SPG21: variants seen among roughly 807,000 people sequenced by gnomAD.
The protein encoded by SPG21 is SPG21 abhydrolase domain containing, maspardin, also known as maspardin.
A neutral mutation model predicts 38.9 loss-of-function variants in SPG21; 26 were observed. That is an observed-to-expected ratio of 0.67 (90% CI 0.49 to 0.93). The LOEUF (loss-of-function observed/expected upper bound fraction) is 0.93. SPG21 is among the 40% of genes least tolerant of loss of function. The pLI is 0.00. For missense variants in SPG21, 333 were observed against 376.5 expected (o/e 0.88, Z 0.96); for synonymous variants, 136 against 128.9 (o/e 1.05, Z -0.37).
At chr15:64,975,302 A>G (rs1477620101) in intron 4 of SPG21, among the ~76,000 whole-genome samples, 7 of 150,554 alleles carry the variant, frequency 4.6e-5, no homozygotes, top group African/African-American at 1.7e-4. Context: ...AAAAAAAAAA[A>G]AAGAAAAGAA....
Position 64,963,675 on chromosome 15 carries a change from G to A in SPG21, c.872C>T (p.Ala291Val), listed in dbSNP as rs1285602221. 2 of 1,614,010 alleles carry A rather than the reference G, an allele frequency of 1.2e-6. No homozygotes were observed. The highest frequency in any genetic ancestry group is 1.7e-6 in the Non-Finnish European group (2 of 1,180,038). Residue 291 changes from alanine to valine, a missense_variant, in exon 9 of 9, where the codon GCC (alanine) becomes GTC (valine). Ala to Val is a moderately conservative substitution (Grantham distance 64). Coordinates refer to ENST00000204566, the MANE Select transcript of SPG21 (RefSeq NM_016630.7). ...GCCTTTCTGCACCTCAAGCTCCTCG[G>A]CACTGACCATTGATGGGTCAATGGC... ...YAAIDPSMVS[A>V]EELEVQKGSL...
intron 1 of SPG21, chr15:64,989,278 GAAAAA>G (rs925663884): frequency 6.7e-6 from 1 of 148,384 alleles, no homozygotes; most frequent in East Asian, 2.0e-4. Context: ...AGTTTGCTGA[GAAAAA>G]AAAAAAGAAA....
At chr15:64,969,164 T>C (rs61512879) in intron 7 of SPG21, 91 bp downstream of exon 7, 853,958 of 899,044 alleles carry the variant, frequency 0.95, 407,444 homozygotes, top group East Asian at 1. Flanking sequence ...TTTGAAGAGG[T>C]ACATTGAAAG....
At chr15:64,966,447 G>C (rs1337906679) in intron 7 of SPG21, among the ~76,000 whole-genome samples, 1 of 152,188 alleles carries the variant, frequency 6.6e-6, no homozygotes, top group Non-Finnish European at 1.5e-5. Flanking sequence ...GCACAGCTTT[G>C]AAAGAAGGGC....
intron 2 of SPG21, chr15:64,981,288 CCTTT>C (rs2085881184): frequency 5.6e-6 from 2 of 359,932 alleles, no homozygotes. Context: ...TCCCCCTCCT[CCTTT>C]TTTTTTTTTT....
At chr15:64,988,520 G>T (rs1295512823) in intron 1 of SPG21, 1 of 152,214 alleles carries the variant, frequency 6.6e-6, no homozygotes, top group Non-Finnish European at 1.5e-5. Flanking sequence ...CACCACAGAA[G>T]TACACAGCTA....
rs181958715 is a variant in SPG21, at chr15:64,971,868, T to C, written c.453-1646A>G. ...TTTTTTTTCTGTAGAGACAGGATCT[T>C]GCTCTGTTGCCCAGGCTGGTCTAGA... is the stretch of plus-strand genomic sequence containing the variant. On this transcript the variant is annotated intron_variant, in intron 5 of 8. Transcript: ENST00000204566. Among the ~76,000 whole-genome samples, 836 of 152,194 alleles carry C rather than the reference T, an allele frequency of 5.5e-3. 8 individuals carry two copies. The highest frequency in any genetic ancestry group is 8.4e-3 in the Admixed American group (129 of 15,302).
intron 7 of SPG21, among the ~76,000 whole-genome samples, chr15:64,966,809 G>C (rs954673024): frequency 1.3e-5 from 2 of 152,160 alleles, no homozygotes; most frequent in African/African-American, 4.8e-5. Flanking sequence ...TGAGGCAGGA[G>C]AATGGCGTCA....
At chr15:64,981,079 T>A in intron 2 of SPG21, 54 bp from the exon 3 acceptor site, 1 of 1,608,642 alleles carries the variant, frequency 6.2e-7, no homozygotes, top group Non-Finnish European at 8.5e-7. Context: ...TTGCTTTTTA[T>A]GTTATTTTAC....
intron 5 of SPG21, among the ~76,000 whole-genome samples, 172 bp from the exon 6 acceptor site, chr15:64,970,394 A>G (rs2085638344): frequency 1.3e-5 from 2 of 152,344 alleles, no homozygotes; most frequent in South Asian, 4.1e-4. Flanking sequence ...GCTTCCAAAG[A>G]GTTATGGCTT....
rs375836282 is a variant in SPG21 at position 64,981,012 on chromosome 15, T to G, written c.77A>C (p.Asp26Ala). ...TVPLKKIIVD[D>A]DDSKIWSLYD... ...GAGCGACCATATCTTACTGTCATCATCATCCACAATAATCTGGAGGGAAGG... is the reference window on the plus strand; with the variant it reads ...GAGCGACCATATCTTACTGTCATCAGCATCCACAATAATCTGGAGGGAAGG... The change falls in exon 3 of 9, where the codon GAT (aspartate) becomes GCT (alanine). Residue 26 changes from aspartate to alanine, a missense_variant. By Grantham distance (126) the Asp-to-Ala change is moderately radical. Transcript: ENST00000204566. 4 of 1,614,170 alleles carry G rather than the reference T, an allele frequency of 2.5e-6. No homozygotes were observed. The highest frequency in any genetic ancestry group is 2.5e-6 in the Non-Finnish European group (3 of 1,180,016).
chr15:64,978,130 C>G (rs2085819908), intron 3 of SPG21, among the ~76,000 whole-genome samples: 1 of 151,048 alleles, frequency 6.6e-6, no homozygotes, highest in African/African-American at 2.4e-5. Flanking sequence ...CGCGCCTGGC[C>G]AAGAATTCCT....
rs980812941 is a variant in SPG21, at chr15:64,974,327, G to C, written c.452+275C>G. On this transcript the variant is annotated intron_variant, in intron 5 of 8. Coordinates refer to ENST00000204566, the MANE Select transcript of SPG21 (RefSeq NM_016630.7). ...TACAAAAATATACAGAAATTAACCA[G>C]GTGTGGTGCCATGCATGCCTGCCTG... is the stretch of plus-strand genomic sequence containing the variant. 4.6e-5 allele frequency among the ~76,000 whole-genome samples: 7 copies of C among 152,198 alleles called. No individual in the cohort carries two copies. The East Asian group carries it at 1.2e-3, about 25-fold the overall frequency.
At chr15:64,970,864 C>T (rs547470943) in intron 5 of SPG21, among the ~76,000 whole-genome samples, 93 of 152,152 alleles carry the variant, frequency 6.1e-4, no homozygotes, top group African/African-American at 2.2e-3. Flanking sequence ...CTCAGCCTTT[C>T]GAGTAGCTGC....
intron 1 of SPG21, among the ~76,000 whole-genome samples, chr15:64,988,168 G>T (rs1303548773): frequency 6.6e-6 from 1 of 152,122 alleles, no homozygotes; most frequent in Non-Finnish European, 1.5e-5. Context: ...GTTGCAGTGA[G>T]CTGAGATCAC....
intron 3 of SPG21, 143 bp from the exon 4 acceptor site, chr15:64,976,698 TCTCA>T (rs1393459217): frequency 1.2e-5 from 8 of 652,368 alleles, no homozygotes; most frequent in Middle Eastern, 4.2e-4. Context: ...AAAAATAAGC[TCTCA>T]CTTTTTACTA....
intron 1 of SPG21, among the ~76,000 whole-genome samples, chr15:64,984,377 C>T (rs781027225): frequency 5.3e-5 from 8 of 152,160 alleles, no homozygotes; most frequent in African/African-American, 9.7e-5. Flanking sequence ...ATTTTTGAGA[C>T]AGTCTTGCTC....
chr15:64,970,655 G>A (rs2085643837), intron 5 of SPG21, among the ~76,000 whole-genome samples: 1 of 152,130 alleles, frequency 6.6e-6, no homozygotes, highest in South Asian at 2.1e-4. Flanking sequence ...GAAAGCTATT[G>A]CACCTCCCCA....
In SPG21 at chr15:64,970,209, G is replaced by GC; in HGVS notation, c.465dup (p.Pro156AlafsTer24). 6.2e-7 allele frequency: 1 copy of GC among 1,613,880 alleles called. No homozygotes were observed. The highest frequency in any genetic ancestry group is 8.5e-7 in the Non-Finnish European group (1 of 1,179,918). ...ACTATTTTTTTGAGCATAAATGCAG[G>GC]CATCAGCCAAAAGCTGTAAAACACA... is the stretch of plus-strand genomic sequence containing the variant. On this transcript the variant is annotated frameshift_variant, in exon 6 of 9. Coordinates refer to ENST00000204566, the MANE Select transcript of SPG21 (RefSeq NM_016630.7). LOFTEE classifies it high-confidence loss of function.
Sources: allele counts gnomAD v4.1 joint callset (sites outside exome capture counted in the v4.1 genomes callset), GRCh38; gene constraint gnomAD v4.1.1; transcripts MANE v1.5; gene names NCBI Gene and HGNC (gene_info 2026-07-23, HGNC 2026-07-21).